Variants in FGD5 observed in about 807,000 individuals in gnomAD.
FGD5 encodes the protein FYVE, RhoGEF and PH domain-containing protein 5.
FGD5 carries 28 observed loss-of-function variants against 133.4 expected under a neutral mutation model. That is an observed-to-expected ratio of 0.21 (90% CI 0.16 to 0.29). The LOEUF is 0.29. FGD5 is among the 10% of genes least tolerant of loss of function. FGD5 has a pLI of 1.00. For missense variants in FGD5, 1,858 were observed against 1,895.2 expected (o/e 0.98, Z 0.36); for synonymous variants, 810 against 776.5 (o/e 1.04, Z -0.72).
chr3:14,814,456 A>G (rs1439954003), upstream of FGD5, among the ~76,000 whole-genome samples: 5 of 152,180 alleles, frequency 3.3e-5, no homozygotes, highest in Non-Finnish European at 7.3e-5. Context: ...TGCTGAGGTC[A>G]GGAGCTCCAT....
chr3:14,856,377 AT>A (rs1462204512), intron 1 of FGD5, among the ~76,000 whole-genome samples: 1 of 152,098 alleles, frequency 6.6e-6, no homozygotes, highest in Admixed American at 6.5e-5. Flanking sequence ...CTCCATGTAA[AT>A]TTTAGAATTT....
At chr3:14,897,791 T>C in intron 5 of FGD5, 122 bp downstream of exon 5, 1 of 1,450,804 alleles carries the variant, frequency 6.9e-7, no homozygotes, top group Admixed American at 2.4e-5. Flanking sequence ...AACTCCGAAG[T>C]GTTAAGTCAT....
At chr3:14,863,239 G>A (rs988234457) in intron 1 of FGD5, among the ~76,000 whole-genome samples, 1 of 152,220 alleles carries the variant, frequency 6.6e-6, no homozygotes, top group African/African-American at 2.4e-5. Flanking sequence ...GTTGTCTGGG[G>A]CCACGTTGCC....
chr3:14,880,345 C>A (rs1055308568), intron 2 of FGD5, among the ~76,000 whole-genome samples: 1 of 152,084 alleles, frequency 6.6e-6, no homozygotes, highest in Non-Finnish European at 1.5e-5. Context: ...TAGAGCATGA[C>A]CTTGTCTCAA....
intron 1 of FGD5, among the ~76,000 whole-genome samples, chr3:14,851,997 G>GT (rs1434720866): frequency 1.3e-5 from 2 of 151,888 alleles, no homozygotes; most frequent in Non-Finnish European, 2.9e-5. Context: ...TACACTCCTG[G>GT]TAGGAATGTG....
intron 10 of FGD5, among the ~76,000 whole-genome samples, chr3:14,908,903 A>T (rs1250118247): frequency 6.6e-6 from 1 of 151,748 alleles, no homozygotes; most frequent in Non-Finnish European, 1.5e-5. Context: ...AATAAATAAA[A>T]ATAATAAATA....
Position 14,820,885 on chromosome 3 carries a change from G to T in FGD5, c.1814G>T (p.Gly605Val). Residue 605 changes from glycine (G) to valine (V), a missense_variant, in exon 1 of 20, where the codon GGC (glycine) becomes GTC (valine). By Grantham distance (109) the Gly-to-Val change is moderately radical (BLOSUM62 -3). This residue lies in a region of FGD5 where 1,824 missense variants were observed against 1,848.9 expected (regional missense o/e 0.99). Transcript: ENST00000285046. ...CAGAGAAACCACCTTCCGTCCAGCG[G>T]CACCTCCACGCCTTCTTCCATGGTC... ...FSQRNHLPSSGTSTPSSMVDI... is the reference protein window; with the variant it reads ...FSQRNHLPSSVTSTPSSMVDI... 4 of 1,613,640 alleles carry T rather than the reference G, an allele frequency of 2.5e-6. No individual in the cohort carries two copies. The highest frequency in any genetic ancestry group is 3.4e-6 in the Non-Finnish European group (4 of 1,179,798).
chr3:14,918,413 T>C (rs2038602881), intron 12 of FGD5, among the ~76,000 whole-genome samples: 1 of 152,228 alleles, frequency 6.6e-6, no homozygotes, highest in Non-Finnish European at 1.5e-5. Context: ...TTGTTCCCTT[T>C]TGGAACCAAA....
At chr3:14,897,794 T>G (rs2038164761) in intron 5 of FGD5, 125 bp downstream of exon 5, 2 of 1,452,538 alleles carry the variant, frequency 1.4e-6, no homozygotes, top group South Asian at 1.4e-5. Flanking sequence ...TCCGAAGTGT[T>G]AAGTCATTTG....
upstream of FGD5, among the ~76,000 whole-genome samples, chr3:14,816,223 C>G (rs527287557): frequency 6.6e-6 from 1 of 152,264 alleles, no homozygotes; most frequent in East Asian, 1.9e-4. Context: ...GTCCCTTTGT[C>G]CTGTCTCATG....
At chr3:14,871,357 G>A (rs1223129541) in intron 2 of FGD5, among the ~76,000 whole-genome samples, 1 of 152,210 alleles carries the variant, frequency 6.6e-6, no homozygotes, top group Admixed American at 6.5e-5. Context: ...ATTAGGCCCA[G>A]TTCCTGCATT....
intron 4 of FGD5, among the ~76,000 whole-genome samples, chr3:14,892,546 G>C (rs541132945): frequency 6.6e-6 from 1 of 152,134 alleles, no homozygotes; most frequent in South Asian, 2.1e-4. Context: ...GGCCGGGCGC[G>C]GTGGCTCATG....
rs2036492505 is a variant in FGD5 at position 14,821,187 on chromosome 3, C to T, written c.2116C>T (p.Leu706Phe). 6.2e-7 allele frequency: 1 copy of T among 1,613,948 alleles called. No homozygotes were observed. Among genetic ancestry groups the T allele is most frequent in the Non-Finnish European group, 8.5e-7 (1 of 1,179,870 alleles). The change falls in exon 1 of 20, where the codon CTT (leucine) becomes TTT (phenylalanine). Residue 706 changes from leucine to phenylalanine, a missense_variant. Around this residue, in one of 3 missense-constraint regions of FGD5, gnomAD observed 1,824 missense variants for 1,848.9 expected, o/e 0.99. Coordinates refer to ENST00000285046, the MANE Select transcript of FGD5 (RefSeq NM_152536.4). ...DRRSLSNSPQ[L>F]KSRTGKLRAS... ...GAGAAGCCTCAGCAACTCCCCTCAGCTTAAGTCTCGGACTGGGAAGCTCCG... is the reference window on the plus strand; with the variant it reads ...GAGAAGCCTCAGCAACTCCCCTCAGTTTAAGTCTCGGACTGGGAAGCTCCG...
rs1351902940 is a variant in FGD5, at chr3:14,934,391, C to T, written c.*1224C>T. The T allele has an allele frequency of 1.3e-5, 2 of 152,164 alleles. No individual in the cohort carries two copies. The highest frequency in any genetic ancestry group is 1.3e-4 in the Admixed American group (2 of 15,274). The allele number at this position is 152,164 out of a possible 1,614,324, so 9.4% of individuals were successfully genotyped here. On this transcript the variant is annotated 3_prime_UTR_variant, in exon 20 of 20. Transcript: ENST00000285046. ...GCAATAAAAATCAATTGTTTGATATCCTGTCCCCATTCTGTTGCTGCCCTG... is the reference window on the plus strand; with the variant it reads ...GCAATAAAAATCAATTGTTTGATATTCTGTCCCCATTCTGTTGCTGCCCTG...
chr3:14,913,475 C>T (rs1453411085), intron 11 of FGD5, among the ~76,000 whole-genome samples: 1 of 152,066 alleles, frequency 6.6e-6, no homozygotes, highest in African/African-American at 2.4e-5. Context: ...GGCAGACAGA[C>T]CAGATGCAGA....
At chr3:14,899,803 G>GT (rs1470140694) in intron 7 of FGD5, among the ~76,000 whole-genome samples, 5 of 152,218 alleles carry the variant, frequency 3.3e-5, no homozygotes, top group African/African-American at 1.2e-4. Context: ...GGGCTGCTGT[G>GT]TTAGCGATCA....
At chr3:14,823,853 CA>C (rs201996625) in intron 1 of FGD5, among the ~76,000 whole-genome samples, 1,929 of 152,166 alleles carry the variant, frequency 0.013, 51 homozygotes, top group African/African-American at 0.043. Context: ...GTACTTTGTG[CA>C]AAAAAACCAA....
chr3:14,839,480 A>G (rs2036876548), intron 1 of FGD5, among the ~76,000 whole-genome samples: 1 of 152,148 alleles, frequency 6.6e-6, no homozygotes, highest in Non-Finnish European at 1.5e-5. Context: ...AGATAATCTG[A>G]TTAACTACTG....
At position 14,859,129 on chromosome 3, in the gene FGD5, TTGAC is replaced by T. The variant is rs1471307809; in HGVS notation, c.2526-4998_2526-4995del. Among the ~76,000 whole-genome samples the T allele has an allele frequency of 3.9e-5, 6 of 152,264 alleles. No individual in the cohort carries two copies. The East Asian group carries it at 1.2e-3, about 29-fold the overall frequency. ...AAAAATGTATTACTATAATTTTTGA[TTGAC>T]AAATCATAATCCTATACATTTATGG... On this transcript the variant is annotated intron_variant, in intron 1 of 19. Transcript: ENST00000285046.
Sources: allele counts gnomAD v4.1 joint callset (sites outside exome capture counted in the v4.1 genomes callset), GRCh38; gene constraint gnomAD v4.1.1; regional missense constraint gnomAD v4.1.1; transcripts MANE v1.5; gene names NCBI Gene and HGNC (gene_info 2026-07-23, HGNC 2026-07-21).